ADGRV1: variants seen among roughly 807,000 people sequenced by gnomAD.
ADGRV1 encodes adhesion G protein-coupled receptor V1.
Under a neutral mutation model 596.2 loss-of-function variants are expected in ADGRV1, and 359 were observed. The ratio of observed to expected loss-of-function variants is 0.60; its 90% CI spans 0.55 to 0.66. The LOEUF (loss-of-function observed/expected upper bound fraction) is 0.66, where lower values mean the gene tolerates loss of function less well. Ranked by LOEUF, ADGRV1 falls within the 30% of genes least tolerant of loss-of-function variation. ADGRV1 has a pLI of 0.00. For missense variants in ADGRV1, 7,274 were observed against 7,575.6 expected (o/e 0.96, Z 1.48); for synonymous variants, 2,681 against 2,679.2 (o/e 1.00, Z -0.02).
intron 50 of ADGRV1, among the ~76,000 whole-genome samples, chr5:90,732,619 G>A (rs533137831): frequency 1.3e-5 from 2 of 152,166 alleles, no homozygotes; most frequent in South Asian, 2.1e-4. Context: ...TTTCTCTCAC[G>A]CCCTGGCCCC....
chr5:90,921,325 A>G (rs972430801), intron 83 of ADGRV1, among the ~76,000 whole-genome samples: 9 of 151,554 alleles, frequency 5.9e-5, no homozygotes, highest in Non-Finnish European at 1.0e-4. Context: ...AGTCTTCCTT[A>G]TTTATTTATT....
intron 85 of ADGRV1, among the ~76,000 whole-genome samples, chr5:91,063,940 T>G (rs1787666685): frequency 6.6e-6 from 1 of 152,166 alleles, no homozygotes; most frequent in Admixed American, 6.5e-5. Flanking sequence ...AGAAGTGCTG[T>G]GCATTTATTG....
At chr5:90,798,913 G>A (rs762192309) in intron 70 of ADGRV1, among the ~76,000 whole-genome samples, 4 of 152,168 alleles carry the variant, frequency 2.6e-5, no homozygotes, top group Non-Finnish European at 5.9e-5. Context: ...ACTAGGTATT[G>A]ATGGAATGTA....
At chr5:90,672,817 G>A in intron 22 of ADGRV1, 95 bp downstream of exon 22, 2 of 877,266 alleles carry the variant, frequency 2.3e-6, no homozygotes, top group Non-Finnish European at 3.5e-6. Context: ...TGATTGAAGT[G>A]TCGCTTCCCA....
chr5:91,033,145 C>T (rs1784612334), intron 85 of ADGRV1, among the ~76,000 whole-genome samples: 1 of 152,014 alleles, frequency 6.6e-6, no homozygotes, highest in South Asian at 2.1e-4. Flanking sequence ...ACTTTCCTTC[C>T]ATTGATGTGA....
chr5:90,759,949 G>T (rs1447494462), intron 58 of ADGRV1: 1 of 81,414 alleles, frequency 1.2e-5, no homozygotes, highest in African/African-American at 5.2e-5. Flanking sequence ...TGGCGACATA[G>T]AGAGACTCCA....
intron 70 of ADGRV1, among the ~76,000 whole-genome samples, chr5:90,801,937 T>A (rs1410506616): frequency 6.6e-6 from 1 of 152,230 alleles, no homozygotes; most frequent in Non-Finnish European, 1.5e-5. Flanking sequence ...TAATTTTTAT[T>A]TATCCAACAT....
intron 42 of ADGRV1, among the ~76,000 whole-genome samples, chr5:90,716,068 G>C (rs1750069114): frequency 6.6e-6 from 1 of 152,136 alleles, no homozygotes; most frequent in Non-Finnish European, 1.5e-5. Context: ...TGACAGTTCT[G>C]ACTCTTTCCA....
intron 83 of ADGRV1, among the ~76,000 whole-genome samples, chr5:90,945,406 A>G (rs980082556): frequency 1.3e-5 from 2 of 152,174 alleles, no homozygotes; most frequent in African/African-American, 4.8e-5. Context: ...AGAGGGTAGC[A>G]GGGCTCCTGG....
Position 90,923,121 on chromosome 5 carries a change from A to G in ADGRV1, c.17857-42294A>G, listed in dbSNP as rs537052117. Among the ~76,000 whole-genome samples, 4 of 152,322 alleles carry G rather than the reference A, an allele frequency of 2.6e-5. No individual in the cohort carries two copies. The South Asian group carries it at 8.3e-4, about 32-fold the overall frequency. ...GAAGCATTTTTGCACCTTCTAAACC[A>G]TATCCTTTGAAACTTGTGAGCATTA... On this transcript the variant is annotated intron_variant, in intron 83 of 89. Transcript: ENST00000405460.
At chr5:90,800,439 G>A (rs544102737) in intron 70 of ADGRV1, among the ~76,000 whole-genome samples, 5 of 152,312 alleles carry the variant, frequency 3.3e-5, no homozygotes, top group South Asian at 2.1e-4. Flanking sequence ...TGCTGGAGAG[G>A]ATGTGGAGAA....
intron 83 of ADGRV1, among the ~76,000 whole-genome samples, chr5:90,949,559 T>A (rs1776884397): frequency 6.6e-6 from 1 of 152,158 alleles, no homozygotes; most frequent in African/African-American, 2.4e-5. Flanking sequence ...TTAGAGGTAA[T>A]AAATGGAAGA....
At chr5:91,023,821 T>G (rs935710792) in intron 85 of ADGRV1, among the ~76,000 whole-genome samples, 4 of 152,152 alleles carry the variant, frequency 2.6e-5, no homozygotes, top group Non-Finnish European at 4.4e-5. Context: ...ACTAAAACGC[T>G]TCTAAAATAT....
At chr5:90,619,734 A>G (rs868659799) in intron 4 of ADGRV1, among the ~76,000 whole-genome samples, 9 of 149,466 alleles carry the variant, frequency 6.0e-5, no homozygotes, top group Non-Finnish European at 8.9e-5. Flanking sequence ...TATATCTCCT[A>G]ATGCTATCCC....
At position 90,683,585 on chromosome 5, in the gene ADGRV1, G is replaced by A. The variant is rs1321996944; in HGVS notation, c.5665-1G>A. The stretch of plus-strand genomic sequence containing the variant: ...AGATTTTAATATTAAGTATTTTGTA[G>A]GTTATAAGACATCATGGAACTCTGT... On this transcript the variant is annotated splice_acceptor_variant, in intron 27 of 89. Coordinates refer to ENST00000405460, the MANE Select transcript of ADGRV1 (RefSeq NM_032119.4). LOFTEE classifies it high-confidence loss of function. 1.9e-6 allele frequency: 3 copies of A among 1,584,790 alleles called. No homozygotes were observed. Among genetic ancestry groups the A allele is most frequent in the Non-Finnish European group, 1.7e-6 (2 of 1,159,818 alleles).
At chr5:91,144,206 A>G (rs576194800) in intron 87 of ADGRV1, among the ~76,000 whole-genome samples, 1 of 151,774 alleles carries the variant, frequency 6.6e-6, no homozygotes, top group East Asian at 1.9e-4. Context: ...GCCCAGCCAT[A>G]CCTCCCCTTC....
intron 77 of ADGRV1, among the ~76,000 whole-genome samples, chr5:90,829,634 A>G (rs1261356480): frequency 6.6e-6 from 1 of 152,086 alleles, no homozygotes; most frequent in Non-Finnish European, 1.5e-5. Flanking sequence ...CCTCACTGCC[A>G]CTTTTTTCAC....
chr5:90,692,740 G>A lies in ADGRV1; in HGVS notation c.7087G>A (p.Glu2363Lys). The A allele has an allele frequency of 6.2e-7, 1 of 1,607,484 alleles. No individual in the cohort carries two copies. The highest frequency in any genetic ancestry group is 1.3e-5 in the African/African-American group (1 of 74,884). The stretch of plus-strand genomic sequence containing the variant: ...TGCTCAGATGGTTTATCGTGTTCAA[G>A]AGCCTCTGGAAAGAAGTTCCTGTGC... ...AFAQMVYRVQ[E>K]PLERSSCANI... Residue 2363 changes from glutamate (E) to lysine (K), a missense_variant, in exon 32 of 90, where the codon GAG becomes AAG. Glu to Lys is a moderately conservative substitution (Grantham distance 56, BLOSUM62 1). Transcript: ENST00000405460.
chr5:90,647,182 C>G (rs1392794557), intron 16 of ADGRV1, among the ~76,000 whole-genome samples: 1 of 152,128 alleles, frequency 6.6e-6, no homozygotes, highest in African/African-American at 2.4e-5. Flanking sequence ...TGGGCCTGTT[C>G]TCAAGGAAGT....
Sources: allele counts gnomAD v4.1 joint callset (sites outside exome capture counted in the v4.1 genomes callset), GRCh38; gene constraint gnomAD v4.1.1; transcripts MANE v1.5; gene names NCBI Gene and HGNC (gene_info 2026-07-23, HGNC 2026-07-21).